HNRNPU: variants seen among roughly 807,000 people sequenced by gnomAD.
HNRNPU encodes HNRNPU antisense RNA 1.
In HNRNPU, 5 loss-of-function variants were observed where a neutral mutation model predicts 94.7. That is an observed-to-expected ratio of 0.05 (90% CI 0.03 to 0.11). The LOEUF (loss-of-function observed/expected upper bound fraction) is 0.11, where lower values mean the gene tolerates loss of function less well. HNRNPU is among the 10% of genes least tolerant of loss of function. The pLI, the probability that HNRNPU is intolerant of heterozygous loss-of-function variation, is 1.00. For synonymous variants in HNRNPU, 434 were observed against 381.6 expected (o/e 1.14, Z -1.60); for missense variants, 710 against 1,049.2 (o/e 0.68, Z 4.47).
At position 244,852,881 on chromosome 1, in the gene HNRNPU, C is replaced by T. The variant is rs996984913; in HGVS notation, c.*1569G>A. 1 of 152,590 alleles carries T rather than the reference C, an allele frequency of 6.6e-6. No individual in the cohort carries two copies. Among genetic ancestry groups the T allele is most frequent in the Non-Finnish European group, 1.5e-5 (1 of 68,016 alleles). The allele number at this position is 152,590 out of a possible 1,614,324, so 9.5% of individuals were successfully genotyped here. A position where few individuals can be genotyped will look rare whatever the true frequency, so the allele number is the denominator to read the frequency against. ...AGTTCTACAGTTTGACTCCTGATTC[C>T]TCACTTCACATTGGTGAGGGGAAGA... is the stretch of plus-strand genomic sequence containing the variant. On this transcript the variant is annotated 3_prime_UTR_variant, in exon 14 of 14. Coordinates refer to ENST00000640218, the MANE Select transcript of HNRNPU (RefSeq NM_031844.3).
At chr1:244,856,221 G>A (rs1680678602) in intron 10 of HNRNPU, 63 bp from the exon 11 acceptor site, 1 of 1,488,098 alleles carries the variant, frequency 6.7e-7, no homozygotes, top group African/African-American at 1.4e-5. Flanking sequence ...CAATCCTAAA[G>A]CTGACAATTC....
At position 244,851,359 on chromosome 1, in the gene HNRNPU, C is replaced by T. The variant is rs1680543847; in HGVS notation, c.*3091G>A. The stretch of plus-strand genomic sequence containing the variant: ...ATATTTGTATTTGTGCAATGGAACC[C>T]ATTATTCACATGGTCCTAGAATAAA... On this transcript the variant is annotated 3_prime_UTR_variant, in exon 14 of 14. Coordinates refer to ENST00000640218, the MANE Select transcript of HNRNPU (RefSeq NM_031844.3). The T allele has an allele frequency of 6.6e-6, 1 of 152,154 alleles. No individual in the cohort carries two copies. The highest frequency in any genetic ancestry group is 2.4e-5 in the African/African-American group (1 of 41,432). The allele number at this position is 152,154 out of a possible 1,614,324, so 9.4% of individuals were successfully genotyped here.
chr1:244,858,655 T>G, intron 6 of HNRNPU, 74 bp downstream of exon 6: 1 of 796,322 alleles, frequency 1.3e-6, no homozygotes, highest in Non-Finnish European at 2.2e-6. Flanking sequence ...CTGACCTCAG[T>G]AAAGCTTCTT....
At chr1:244,854,777 A>AT in intron 13 of HNRNPU, 196 bp downstream of exon 13, 1 of 506,646 alleles carries the variant, frequency 2.0e-6, no homozygotes, top group Non-Finnish European at 3.4e-6. Flanking sequence ...TATTAAAAAA[A>AT]TTTAACTTAT....
intron 13 of HNRNPU, 100 bp downstream of exon 13, chr1:244,854,873 T>C: frequency 4.9e-6 from 5 of 1,018,138 alleles, no homozygotes; most frequent in East Asian, 4.8e-5. Flanking sequence ...TTAACACTTA[T>C]AAACACTTCA....
rs1435522615 is a variant in HNRNPU, at chr1:244,851,126, GA to G, written c.*3323del. The G allele has an allele frequency of 6.6e-6, 1 of 152,064 alleles. No homozygotes were observed. The highest frequency in any genetic ancestry group is 1.5e-5 in the Non-Finnish European group (1 of 68,026). 9.4% of individuals were successfully genotyped at this position (152,064 alleles called of 1,614,324 possible). A position where few individuals can be genotyped will look rare whatever the true frequency, so the allele number is the denominator to read the frequency against. On this transcript the variant is annotated 3_prime_UTR_variant, in exon 14 of 14. Transcript: ENST00000640218. ...ACCCAGCCAAGTTCCATCCACTTTTGAAAACAAGACATTTATGTATAGGAAG... is the reference window on the plus strand; with the variant it reads ...ACCCAGCCAAGTTCCATCCACTTTTGAAACAAGACATTTATGTATAGGAAG...
Position 244,851,438 on chromosome 1 carries a change from A to C in HNRNPU, c.*3012T>G, listed in dbSNP as rs1680546253. On this transcript the variant is annotated 3_prime_UTR_variant, in exon 14 of 14. Coordinates refer to ENST00000640218, the MANE Select transcript of HNRNPU (RefSeq NM_031844.3). ...TCAAAAAACATGTCATCCAATTCCC[A>C]CAAATGAGACATTTTAAATACAGAA... 6.6e-6 allele frequency: 1 copy of C among 152,208 alleles called. No individual in the cohort carries two copies. Among genetic ancestry groups the C allele is most frequent in the South Asian group, 2.1e-4 (1 of 4,832 alleles). 9.4% of individuals were successfully genotyped at this position (152,208 alleles called of 1,614,324 possible).
At chr1:244,861,241 G>C (rs1397826451) in intron 3 of HNRNPU, 1 of 152,030 alleles carries the variant, frequency 6.6e-6, no homozygotes, top group Non-Finnish European at 1.5e-5. Context: ...CTACAGTTTG[G>C]AATTTTTCTT....
intron 12 of HNRNPU, 159 bp from the exon 13 acceptor site, chr1:244,855,203 T>C (rs903507149): frequency 1.0e-4 from 72 of 718,462 alleles, no homozygotes; most frequent in Non-Finnish European, 1.4e-4. Context: ...TTCTTATGTT[T>C]TAATTTTTTA....
At position 244,854,288 on chromosome 1, in the gene HNRNPU, CAA is replaced by C. The variant is rs1199201780; in HGVS notation, c.*160_*161del. On this transcript the variant is annotated 3_prime_UTR_variant, in exon 14 of 14. Transcript: ENST00000640218. ...CTTTTAAACTGCAATTAAAAATGTA[CAA>C]AAAAGAAAAGAAAAAAAATCAACCC... The C allele has an allele frequency of 6.4e-6, 4 of 629,182 alleles. No homozygotes were observed. The highest frequency in any genetic ancestry group is 1.1e-5 in the Non-Finnish European group (4 of 351,404). 39.0% of individuals were successfully genotyped at this position (629,182 alleles called of 1,614,324 possible).
rs766736866 is a variant in HNRNPU, at chr1:244,858,003, T to A, written c.1494+8A>T. The A allele has an allele frequency of 6.4e-7, 1 of 1,565,916 alleles. No individual in the cohort carries two copies. Among genetic ancestry groups the A allele is most frequent in the African/African-American group, 1.4e-5 (1 of 71,894 alleles). On this transcript the variant is annotated splice_region_variant and intron_variant, in intron 7 of 13. Transcript: ENST00000640218. ...AATGCCACAGTTAAAAAAAAAAAAA[T>A]CCCTTACTTCACAATCTTTCTTCTC...
At position 244,864,328 on chromosome 1, in the gene HNRNPU, G is replaced by A. The variant is rs757373909; in HGVS notation, c.-21C>T. 3 of 1,608,830 alleles carry A rather than the reference G, an allele frequency of 1.9e-6. No individual in the cohort carries two copies. Among genetic ancestry groups the A allele is most frequent in the East Asian group, 2.2e-5 (1 of 44,760 alleles). ...CTCATGGTGAGGGCCCCGATTCACC[G>A]CTAGGCGCTGCCTCAAACTCGGCTC... On this transcript the variant is annotated 5_prime_UTR_variant, in exon 1 of 14. Coordinates refer to ENST00000640218, the MANE Select transcript of HNRNPU (RefSeq NM_031844.3).
chr1:244,851,054 C>G lies in HNRNPU; in HGVS notation c.*3396G>C, dbSNP rs1185169081. ...AAACTCCTGAGCTCAAGTGATCCTC[C>G]CGCCTTGGCCTCCCAAAGTGCTAGG... is the stretch of plus-strand genomic sequence containing the variant. On this transcript the variant is annotated 3_prime_UTR_variant, in exon 14 of 14. Transcript: ENST00000640218. 2 of 152,172 alleles carry G rather than the reference C, an allele frequency of 1.3e-5. No homozygotes were observed. Among genetic ancestry groups the G allele is most frequent in the African/African-American group, 4.8e-5 (2 of 41,442 alleles). 9.4% of individuals were successfully genotyped at this position (152,172 alleles called of 1,614,324 possible).
chr1:244,854,427 A>G lies in HNRNPU; in HGVS notation c.*23T>C. 6.8e-7 allele frequency: 1 copy of G among 1,479,094 alleles called. No homozygotes were observed. Among genetic ancestry groups the G allele is most frequent in the Non-Finnish European group, 9.4e-7 (1 of 1,058,386 alleles). 91.6% of individuals were successfully genotyped at this position (1,479,094 alleles called of 1,614,324 possible). A position where few individuals can be genotyped will look rare whatever the true frequency, so the allele number is the denominator to read the frequency against. ...TTGTGAAGGTTTTGGAGAAATATGT[A>G]TCAGTTCGTTTTATTTGGGTATTCA... On this transcript the variant is annotated 3_prime_UTR_variant, in exon 14 of 14. Coordinates refer to ENST00000640218, the MANE Select transcript of HNRNPU (RefSeq NM_031844.3).
intron 11 of HNRNPU, 94 bp downstream of exon 11, chr1:244,855,810 A>G: frequency 6.9e-7 from 1 of 1,442,054 alleles, no homozygotes; most frequent in Admixed American, 2.0e-5. Context: ...ACAGTATACC[A>G]TTAATGAGGA....
Position 244,853,059 on chromosome 1 carries a change from T to A in HNRNPU, c.*1391A>T, listed in dbSNP as rs185765493. On this transcript the variant is annotated 3_prime_UTR_variant, in exon 14 of 14. Transcript: ENST00000640218. ...AAGCATCTGATCCCAGAGTTTCATG[T>A]ATCATATATATGTATATAAAATAAT... The A allele has an allele frequency of 5.2e-5, 8 of 152,736 alleles. No homozygotes were observed. The allele number at this position is 152,736 out of a possible 1,614,324, so 9.5% of individuals were successfully genotyped here.
chr1:244,855,240 G>GT, intron 12 of HNRNPU, 184 bp downstream of exon 12: 1 of 729,630 alleles, frequency 1.4e-6, no homozygotes, highest in Non-Finnish European at 2.3e-6. Context: ...CATCTGACTT[G>GT]TTTAGTACAC....
At chr1:244,857,916 A>C (rs1227288859) in intron 7 of HNRNPU, 95 bp downstream of exon 7, 1 of 1,361,826 alleles carries the variant, frequency 7.3e-7, no homozygotes, top group African/African-American at 1.5e-5. Context: ...CACAAAGTAA[A>C]TGAAACAGAC....
Position 244,863,700 on chromosome 1 carries a change from G to A in HNRNPU, c.608C>T (p.Ala203Val). 1.3e-6 allele frequency: 2 copies of A among 1,563,096 alleles called. No individual in the cohort carries two copies. The highest frequency in any genetic ancestry group is 8.6e-7 in the Non-Finnish European group (1 of 1,162,830). ...TCCCGCCTGCTGCTGGCCCTGCCTC[G>A]CCCCGGGCGGCGCCACCGTCACCGC... Reference protein sequence around the residue: ...LFAVTVAPPGARQGQQQAGGK... With the variant: ...LFAVTVAPPGVRQGQQQAGGK... The change falls in exon 1 of 14, where the codon GCG (alanine) becomes GTG (valine). Residue 203 changes from alanine to valine, a missense_variant. Ala to Val is a moderately conservative substitution (Grantham distance 64). Transcript: ENST00000640218.
Sources: allele counts gnomAD v4.1 joint callset, GRCh38; gene constraint gnomAD v4.1.1; transcripts MANE v1.5; gene names NCBI Gene and HGNC (gene_info 2026-07-23, HGNC 2026-07-21).